The following KCNH7 variants were observed in gnomAD, a reference collection of about 807,000 sequenced individuals.
KCNH7 encodes voltage-gated inwardly rectifying potassium channel KCNH7.
Under a neutral mutation model 120.8 loss-of-function variants are expected in KCNH7, and 49 were observed. The ratio of observed to expected loss-of-function variants is 0.41; its 90% CI spans 0.32 to 0.51. The LOEUF (loss-of-function observed/expected upper bound fraction) is 0.51. Ranked by LOEUF, KCNH7 falls within the 20% of genes least tolerant of loss-of-function variation. The probability of loss-of-function intolerance (pLI) is 0.38; values close to 1 mark genes in which losing one functional copy is unlikely to be tolerated. For missense variants in KCNH7, 1,097 were observed against 1,446.6 expected (o/e 0.76, Z 3.92); for synonymous variants, 547 against 516.1 (o/e 1.06, Z -0.81).
At chr2:162,587,806 AT>A (rs1694066371) in intron 2 of KCNH7, among the ~76,000 whole-genome samples, 1 of 152,156 alleles carries the variant, frequency 6.6e-6, no homozygotes, top group South Asian at 2.1e-4. Flanking sequence ...GTCAACTTTC[AT>A]TTGCTTTGCC....
intron 6 of KCNH7, among the ~76,000 whole-genome samples, chr2:162,457,306 T>G (rs1002797746): frequency 8.5e-5 from 13 of 152,174 alleles, no homozygotes; most frequent in African/African-American, 3.1e-4. Flanking sequence ...ATTGAACTAT[T>G]ACGAGGATTT....
chr2:162,832,611 G>T (rs963449460), intron 2 of KCNH7, among the ~76,000 whole-genome samples: 4 of 152,072 alleles, frequency 2.6e-5, no homozygotes, highest in African/African-American at 9.7e-5. Context: ...GGATGGAAAT[G>T]AATATTAGTC....
At chr2:162,661,781 A>C (rs1043796986) in intron 2 of KCNH7, among the ~76,000 whole-genome samples, 5 of 152,230 alleles carry the variant, frequency 3.3e-5, no homozygotes, top group African/African-American at 9.6e-5. Context: ...AAATGAGAAG[A>C]AAGAGCAATC....
intron 6 of KCNH7, among the ~76,000 whole-genome samples, chr2:162,466,410 C>T (rs544918944): frequency 1.6e-4 from 24 of 152,202 alleles, no homozygotes; most frequent in African/African-American, 5.1e-4. Context: ...CTACACATGG[C>T]GGCAGGACGG....
intron 2 of KCNH7, among the ~76,000 whole-genome samples, chr2:162,771,090 C>A (rs887062338): frequency 3.9e-5 from 6 of 152,084 alleles, no homozygotes; most frequent in African/African-American, 1.4e-4. Context: ...ATCATGAATT[C>A]TTGCTTAGAC....
chr2:162,433,658 C>A (rs1355316433), intron 8 of KCNH7, among the ~76,000 whole-genome samples: 3 of 151,948 alleles, frequency 2.0e-5, no homozygotes, highest in East Asian at 3.9e-4. Context: ...GAATGTAAGA[C>A]CTCAAACCAT....
At chr2:162,564,598 G>A (rs1225350370) in intron 2 of KCNH7, among the ~76,000 whole-genome samples, 1 of 152,074 alleles carries the variant, frequency 6.6e-6, no homozygotes, top group Non-Finnish European at 1.5e-5. Flanking sequence ...CATTTATACA[G>A]GTTATTTTCC....
intron 2 of KCNH7, among the ~76,000 whole-genome samples, chr2:162,581,682 A>G (rs999057272): frequency 3.3e-5 from 5 of 152,106 alleles, no homozygotes; most frequent in Non-Finnish European, 5.9e-5. Flanking sequence ...CTGTTAGGTC[A>G]CTAGACTGAC....
intron 13 of KCNH7, among the ~76,000 whole-genome samples, chr2:162,382,899 T>C (rs1010926347): frequency 1.3e-5 from 2 of 152,036 alleles, no homozygotes; most frequent in African/African-American, 4.8e-5. Context: ...TCAATTCAAT[T>C]GACATGCATA....
At chr2:162,626,003 TA>T (rs1299697285) in intron 2 of KCNH7, among the ~76,000 whole-genome samples, 9 of 152,152 alleles carry the variant, frequency 5.9e-5, no homozygotes, top group African/African-American at 2.2e-4. Context: ...AGCTAGGACT[TA>T]GGGGCAGCTA....
intron 2 of KCNH7, among the ~76,000 whole-genome samples, chr2:162,708,529 T>A (rs1032376794): frequency 2.0e-5 from 3 of 151,870 alleles, no homozygotes; most frequent in Non-Finnish European, 4.4e-5. Context: ...GAGAGATAGG[T>A]GAGAATTTTT....
chr2:162,826,129 C>T (rs1685279120), intron 2 of KCNH7, among the ~76,000 whole-genome samples: 1 of 151,886 alleles, frequency 6.6e-6, no homozygotes, highest in Admixed American at 6.6e-5. Context: ...ACCCATGACC[C>T]AAGGTTTGGA....
chr2:162,566,068 C>A (rs1693239973), intron 2 of KCNH7, among the ~76,000 whole-genome samples: 1 of 151,922 alleles, frequency 6.6e-6, no homozygotes. Flanking sequence ...CATGACCTGC[C>A]ACTTTAATGC....
At chr2:162,740,197 T>C (rs550415445) in intron 2 of KCNH7, among the ~76,000 whole-genome samples, 3 of 152,276 alleles carry the variant, frequency 2.0e-5, no homozygotes, top group African/African-American at 7.2e-5. Flanking sequence ...ACCAGGTATG[T>C]ATGTGTTGGA....
chr2:162,838,327 G>T, intron 1 of KCNH7, 116 bp downstream of exon 1: 1 of 773,788 alleles, frequency 1.3e-6, no homozygotes, highest in Non-Finnish European at 2.2e-6. Context: ...CGGTTTCACA[G>T]CCTCTTAAGT....
chr2:162,452,864 C>T lies in KCNH7; in HGVS notation c.1129-6421G>A, dbSNP rs570554001. ...GTCATTTTAATAAATATTTGCATTACATATTTCTTTTAATATTCGTTTCTA... is the reference window on the plus strand; with the variant it reads ...GTCATTTTAATAAATATTTGCATTATATATTTCTTTTAATATTCGTTTCTA... On this transcript the variant is annotated intron_variant, in intron 6 of 15. Transcript: ENST00000332142. Among the ~76,000 whole-genome samples, 3 of 152,114 alleles carry T rather than the reference C, an allele frequency of 2.0e-5. No individual in the cohort carries two copies. The South Asian group carries it at 6.2e-4, about 32-fold the overall frequency.
At chr2:162,411,730 T>A (rs1032385956) in intron 9 of KCNH7, among the ~76,000 whole-genome samples, 1 of 151,664 alleles carries the variant, frequency 6.6e-6, no homozygotes, top group Admixed American at 6.6e-5. Flanking sequence ...AATCAACTAT[T>A]AAGATATTTA....
intron 8 of KCNH7, 126 bp downstream of exon 8, chr2:162,435,072 T>C: frequency 2.4e-6 from 2 of 841,480 alleles, no homozygotes; most frequent in Middle Eastern, 2.4e-4. Flanking sequence ...AGTACCCATA[T>C]ATGTAATCCC....
At chr2:162,626,519 C>T (rs909712974) in intron 2 of KCNH7, among the ~76,000 whole-genome samples, 1 of 152,146 alleles carries the variant, frequency 6.6e-6, no homozygotes, top group Admixed American at 6.5e-5. Context: ...TTTATTTTAC[C>T]TGCAAAAATA....
Sources: allele counts gnomAD v4.1 joint callset (sites outside exome capture counted in the v4.1 genomes callset), GRCh38; gene constraint gnomAD v4.1.1; transcripts MANE v1.5; gene names NCBI Gene and HGNC (gene_info 2026-07-23, HGNC 2026-07-21).